Variants in TYR observed in about 807,000 individuals in gnomAD.
TYR encodes the protein tyrosinase.
A neutral mutation model predicts 51.5 loss-of-function variants in TYR; 58 were observed. That is an observed-to-expected ratio of 1.13 (90% CI 0.91 to 1.40). The LOEUF (loss-of-function observed/expected upper bound fraction) is 1.40. Among genes scored for constraint, TYR ranks in the 40% most tolerant of loss-of-function variants. The probability of loss-of-function intolerance (pLI) is 0.00; values close to 1 mark genes in which losing one functional copy is unlikely to be tolerated. For missense variants in TYR, 732 were observed against 647.4 expected, an observed-to-expected ratio of 1.13 and a Z score of -1.42; for synonymous variants, 263 against 235.2, an observed-to-expected ratio of 1.12 and a Z score of -1.08.
At position 89,178,240 on chromosome 11, in the gene TYR, T is replaced by C. The variant is rs1021525338; in HGVS notation, c.287T>C (p.Met96Thr). The C allele has an allele frequency of 5.6e-6, 9 of 1,614,074 alleles. No individual in the cohort carries two copies. The highest frequency in any genetic ancestry group is 2.7e-5 in the African/African-American group (2 of 74,932). ...NRTCQCSGNF[M>T]GFNCGNCKFG... ...ACCTGCCAGTGCTCTGGCAACTTCA[T>C]GGGATTCAACTGTGGAAACTGCAAG... Residue 96 changes from methionine to threonine, a missense_variant, in exon 1 of 5, where the codon ATG (methionine) becomes ACG (threonine). Transcript: ENST00000263321.
chr11:89,203,528 G>C (rs1326318111), intron 2 of TYR, among the ~76,000 whole-genome samples: 1 of 152,098 alleles, frequency 6.6e-6, no homozygotes, highest in Non-Finnish European at 1.5e-5. Flanking sequence ...GGTAAAGTAG[G>C]TACACTTTTC....
Position 89,178,065 on chromosome 11 carries a change from C to A in TYR, c.112C>A (p.Pro38Thr), listed in dbSNP as rs61759520. The A allele has an allele frequency of 1.3e-5, 21 of 1,614,116 alleles. No individual in the cohort carries two copies. The highest frequency in any genetic ancestry group is 1.0e-4 in the Admixed American group (6 of 60,010). The change falls in exon 1 of 5, where the codon CCG becomes ACG. Residue 38 changes from proline to threonine, a missense_variant. Transcript: ENST00000263321. ...CCTGATGGAGAAGGAATGCTGTCCACCGTGGAGCGGGGACAGGAGTCCCTG... is the reference window on the plus strand; with the variant it reads ...CCTGATGGAGAAGGAATGCTGTCCAACGTGGAGCGGGGACAGGAGTCCCTG... ...KNLMEKECCP[P>T]WSGDRSPCGQ...
chr11:89,258,885 C>T (rs1320654936), intron 3 of TYR, among the ~76,000 whole-genome samples: 1 of 152,038 alleles, frequency 6.6e-6, no homozygotes, highest in African/African-American at 2.4e-5. Context: ...CAGCCAGTGC[C>T]TTTGCCACCC....
chr11:89,293,648 A>AT (rs35774080), intron 4 of TYR: 14,418 of 154,838 alleles, frequency 0.093, 784 homozygotes, highest in Admixed American at 0.14. Context: ...TAAAATGAAC[A>AT]TATCAAAACT....
chr11:89,245,471 A>C (rs4614456), intron 3 of TYR, among the ~76,000 whole-genome samples: 2 of 152,236 alleles, frequency 1.3e-5, no homozygotes, highest in Non-Finnish European at 2.9e-5. Context: ...CTCTTCCTCC[A>C]ACAAGGGAGC....
At chr11:89,275,709 A>G (rs576026044) in intron 3 of TYR, among the ~76,000 whole-genome samples, 1 of 151,966 alleles carries the variant, frequency 6.6e-6, no homozygotes, top group Non-Finnish European at 1.5e-5. Flanking sequence ...TAATGTACAG[A>G]AAAAGAAAAA....
chr11:89,204,426 C>T (rs1023974035), intron 2 of TYR, among the ~76,000 whole-genome samples: 1 of 150,742 alleles, frequency 6.6e-6, no homozygotes, highest in Non-Finnish European at 1.5e-5. Context: ...GGAGTCTTTG[C>T]TGTGTTGTCC....
At chr11:89,288,780 T>A (rs891436327) in intron 4 of TYR, among the ~76,000 whole-genome samples, 2 of 152,068 alleles carry the variant, frequency 1.3e-5, no homozygotes, top group East Asian at 3.9e-4. Context: ...GTAACACCAA[T>A]TGCCTATTTT....
At chr11:89,225,348 C>T (rs1033059426) in intron 2 of TYR, among the ~76,000 whole-genome samples, 17 of 151,706 alleles carry the variant, frequency 1.1e-4, no homozygotes, top group Non-Finnish European at 1.9e-4. Flanking sequence ...CTATAATCAC[C>T]ATGTTGTATC....
At chr11:89,283,785 C>T (rs1239852210) in intron 3 of TYR, 1 of 151,852 alleles carries the variant, frequency 6.6e-6, no homozygotes, top group East Asian at 1.9e-4. Flanking sequence ...CTACTCCATT[C>T]TTACTGGACT....
intron 2 of TYR, among the ~76,000 whole-genome samples, chr11:89,200,763 G>A (rs1005631928): frequency 2.0e-5 from 3 of 152,068 alleles, no homozygotes; most frequent in Non-Finnish European, 4.4e-5. Flanking sequence ...TGAAGAACTT[G>A]ATGAAAATCT....
At chr11:89,216,819 C>G (rs1318555884) in intron 2 of TYR, among the ~76,000 whole-genome samples, 2 of 152,116 alleles carry the variant, frequency 1.3e-5, no homozygotes, top group African/African-American at 2.4e-5. Context: ...CCTGTTTTCA[C>G]CCTAATCGAA....
At chr11:89,192,298 C>A (rs1463813466) in intron 2 of TYR, among the ~76,000 whole-genome samples, 2 of 151,784 alleles carry the variant, frequency 1.3e-5, no homozygotes, top group African/African-American at 4.8e-5. Flanking sequence ...CAAACAAACA[C>A]AACAAAACAA....
chr11:89,211,970 C>A (rs2135269969), intron 2 of TYR, among the ~76,000 whole-genome samples: 1 of 152,284 alleles, frequency 6.6e-6, no homozygotes, highest in South Asian at 2.1e-4. Context: ...AAATTTATAG[C>A]ACTAAATGCC....
intron 3 of TYR, among the ~76,000 whole-genome samples, chr11:89,240,320 T>C (rs1944175413): frequency 6.6e-6 from 1 of 152,064 alleles, no homozygotes; most frequent in Admixed American, 6.6e-5. Flanking sequence ...ATCTAAAACC[T>C]ATCCTATCAC....
At chr11:89,190,594 T>G (rs2135252467) in intron 1 of TYR, among the ~76,000 whole-genome samples, 1 of 152,190 alleles carries the variant, frequency 6.6e-6, no homozygotes, top group African/African-American at 2.4e-5. Context: ...CTAAGGTGAA[T>G]TTATCATTAA....
Position 89,190,635 on chromosome 11 carries a change from AG to A in TYR, c.820-566del, listed in dbSNP as rs751650387. 4.6e-5 allele frequency among the ~76,000 whole-genome samples: 7 copies of A among 152,216 alleles called. No individual in the cohort carries two copies. In the East Asian group the frequency reaches 7.7e-4, roughly 17 times the overall value. On this transcript the variant is annotated intron_variant, in intron 1 of 4. Transcript: ENST00000263321. ...AAAAATATTTTTATAAATTTAATGT[AG>A]CCGATATATATATAGTGTTTATAAA...
chr11:89,234,451 G>T (rs1321735351), intron 3 of TYR, among the ~76,000 whole-genome samples: 1 of 143,534 alleles, frequency 7.0e-6, no homozygotes, highest in Non-Finnish European at 1.5e-5. Flanking sequence ...TTTTGCAATT[G>T]CAACTTGACT....
intron 3 of TYR, among the ~76,000 whole-genome samples, chr11:89,231,589 A>T (rs1944050817): frequency 7.0e-6 from 1 of 142,932 alleles, no homozygotes; most frequent in South Asian, 2.3e-4. Flanking sequence ...GTCAAAAGAA[A>T]ATTTAAACTC....
Sources: gnomAD v4.1 joint callset for allele counts (sites outside exome capture counted in the v4.1 genomes callset) on GRCh38, gnomAD v4.1.1 for gene constraint, MANE v1.5 for transcripts, NCBI Gene and HGNC (gene_info 2026-07-23, HGNC 2026-07-21) for gene names.